The following L3MBTL4 variants were observed in gnomAD, a reference collection of about 807,000 sequenced individuals.
L3MBTL4 encodes the protein L3MBTL histone methyl-lysine binding protein 4, also known as lethal(3)malignant brain tumor-like protein 4.
L3MBTL4 carries 70 observed loss-of-function variants against 84.5 expected under a neutral mutation model. The observed-to-expected ratio is 0.83, with a 90% CI of 0.68 to 1.01. The LOEUF is 1.01. L3MBTL4 is among the 50% of genes least tolerant of loss of function. The pLI is 0.00. For synonymous variants in L3MBTL4, 274 were observed against 259.8 expected, an observed-to-expected ratio of 1.05 and a Z score of -0.52; for missense variants, 715 against 754.8, an observed-to-expected ratio of 0.95 and a Z score of 0.62.
chr18:6,166,740 T>C (rs1598980268), intron 13 of L3MBTL4, among the ~76,000 whole-genome samples: 1 of 151,700 alleles, frequency 6.6e-6, no homozygotes. Context: ...AGATCAAAAA[T>C]TGACACCCTA....
intron 1 of L3MBTL4, among the ~76,000 whole-genome samples, chr18:6,333,335 G>T (rs1439496573): frequency 6.6e-6 from 1 of 152,182 alleles, no homozygotes; most frequent in African/African-American, 2.4e-5. Flanking sequence ...AACACTTTGG[G>T]AGGCTGAGGC....
intron 1 of L3MBTL4, among the ~76,000 whole-genome samples, chr18:6,350,786 C>T (rs145980504): frequency 6.6e-6 from 1 of 152,122 alleles, no homozygotes; most frequent in African/African-American, 2.4e-5. Context: ...ATGTAAATGG[C>T]AACATTATTC....
intron 1 of L3MBTL4, among the ~76,000 whole-genome samples, chr18:6,384,411 G>A (rs553484212): frequency 6.6e-6 from 1 of 152,248 alleles, no homozygotes; most frequent in South Asian, 2.1e-4. Context: ...TGGTACTAAT[G>A]GCTGTCTTCA....
intron 16 of L3MBTL4, among the ~76,000 whole-genome samples, chr18:6,040,598 T>C (rs4798432): frequency 0.17 from 25,702 of 152,204 alleles, 2,402 homozygotes; most frequent in East Asian, 0.31. Flanking sequence ...GTGTGGGTGA[T>C]AGACAAGTAC....
intron 12 of L3MBTL4, among the ~76,000 whole-genome samples, chr18:6,210,076 T>G (rs1051139920): frequency 6.6e-6 from 1 of 152,198 alleles, no homozygotes; most frequent in Non-Finnish European, 1.5e-5. Context: ...TTAGTGGTGA[T>G]GGTTGCACAA....
At chr18:6,288,501 A>C (rs1239440864) in intron 4 of L3MBTL4, among the ~76,000 whole-genome samples, 1 of 152,222 alleles carries the variant, frequency 6.6e-6, no homozygotes, top group Non-Finnish European at 1.5e-5. Context: ...CAGACAGTAA[A>C]CATCTGCTAA....
intron 1 of L3MBTL4, among the ~76,000 whole-genome samples, chr18:6,337,179 C>T (rs1390725925): frequency 6.6e-6 from 1 of 151,870 alleles, no homozygotes; most frequent in Non-Finnish European, 1.5e-5. Context: ...TAATTGGGAT[C>T]CCAAAAAGGA....
chr18:6,189,427 G>A (rs1204755238), intron 12 of L3MBTL4, among the ~76,000 whole-genome samples: 1 of 152,138 alleles, frequency 6.6e-6, no homozygotes. Context: ...CCTAACAGAA[G>A]AAAAGGCACG....
chr18:6,026,791 A>G (rs1309234125), intron 16 of L3MBTL4, among the ~76,000 whole-genome samples: 4 of 152,214 alleles, frequency 2.6e-5, no homozygotes, highest in Admixed American at 1.3e-4. Context: ...GTTTAATAAC[A>G]GTCACATTCA....
At chr18:6,125,022 C>T (rs546135316) in intron 14 of L3MBTL4, among the ~76,000 whole-genome samples, 1 of 152,178 alleles carries the variant, frequency 6.6e-6, no homozygotes, top group African/African-American at 2.4e-5. Flanking sequence ...GATTAATATT[C>T]TCTAATGACT....
chr18:6,019,718 G>C (rs1400750142), intron 16 of L3MBTL4, among the ~76,000 whole-genome samples: 1 of 152,198 alleles, frequency 6.6e-6, no homozygotes, highest in Non-Finnish European at 1.5e-5. Context: ...CACCCAAGAT[G>C]AAAAGCTAAT....
intron 15 of L3MBTL4, among the ~76,000 whole-genome samples, chr18:6,081,647 T>C (rs1045549710): frequency 2.6e-5 from 4 of 152,348 alleles, no homozygotes; most frequent in Non-Finnish European, 5.9e-5. Context: ...ATTTTCTTAC[T>C]GTATTTGAAC....
rs539860036 is a variant in L3MBTL4 at position 6,322,097 on chromosome 18, C to T, written c.-90-10041G>A. Among the ~76,000 whole-genome samples, 4 of 151,496 alleles carry T rather than the reference C, an allele frequency of 2.6e-5. No individual in the cohort carries two copies. The East Asian group carries it at 7.7e-4, about 29-fold the overall frequency. On this transcript the variant is annotated intron_variant, in intron 1 of 18. Transcript: ENST00000317931. Reference sequence around the variant, plus strand: ...TAAGGATGGGCATGGTGGCTCACATCTGTAATACTAGAACTTTGGGAGGCA... The same window carrying T: ...TAAGGATGGGCATGGTGGCTCACATTTGTAATACTAGAACTTTGGGAGGCA...
In L3MBTL4 at chr18:5,977,381, T is replaced by C. The variant is rs906255973; in HGVS notation, c.1445-7819A>G. 5.3e-5 allele frequency among the ~76,000 whole-genome samples: 8 copies of C among 152,198 alleles called. No individual in the cohort carries two copies. In the East Asian group the frequency reaches 1.5e-3, roughly 29 times the overall value. ...TCCTTCCTTGGTTCCATCCAGGAAC[T>C]GAGTCAGCTCCCTCCCTCCCCAAGG... On this transcript the variant is annotated intron_variant, in intron 16 of 18. Transcript: ENST00000317931.
chr18:6,282,407 T>C (rs16949787), intron 4 of L3MBTL4, among the ~76,000 whole-genome samples: 27,159 of 152,080 alleles, frequency 0.18, 2,497 homozygotes, highest in East Asian at 0.23. Flanking sequence ...CCAGAGCTTT[T>C]AGCAACACAT....
At chr18:6,004,208 C>T (rs1235568897) in intron 16 of L3MBTL4, among the ~76,000 whole-genome samples, 2 of 152,032 alleles carry the variant, frequency 1.3e-5, no homozygotes, top group Non-Finnish European at 1.5e-5. Context: ...CATACTGATT[C>T]TATAGAAATG....
At chr18:6,112,313 G>A (rs1461056072) in intron 14 of L3MBTL4, among the ~76,000 whole-genome samples, 2 of 152,134 alleles carry the variant, frequency 1.3e-5, no homozygotes, top group Non-Finnish European at 2.9e-5. Flanking sequence ...TTTGACAACC[G>A]AGGATCGCAT....
intron 12 of L3MBTL4, among the ~76,000 whole-genome samples, chr18:6,205,688 T>C (rs2145710249): frequency 6.6e-6 from 1 of 152,300 alleles, no homozygotes; most frequent in South Asian, 2.1e-4. Flanking sequence ...GGCATAGATT[T>C]TGGAAGAAGG....
In L3MBTL4 at chr18:6,244,640, A is replaced by G. The variant is rs765527982; in HGVS notation, c.220-52T>C. 4 of 1,231,462 alleles carry G rather than the reference A, an allele frequency of 3.2e-6. No homozygotes were observed. In the African/African-American group the frequency reaches 5.9e-5, roughly 18 times the overall value. The allele number at this position is 1,231,462 out of a possible 1,614,324, so 76.3% of individuals were successfully genotyped here. A position where few individuals can be genotyped will look rare whatever the true frequency, so the allele number is the denominator to read the frequency against. ...GCCACTGAGATTTCATCACAGTTTT[A>G]TATTAAGATATTTGGTGTCACCTCT... On this transcript the variant is annotated intron_variant, in intron 5 of 18. Coordinates refer to ENST00000317931, the MANE Select transcript of L3MBTL4 (RefSeq NM_001330559.2).
Sources: allele counts gnomAD v4.1 joint callset (sites outside exome capture counted in the v4.1 genomes callset), GRCh38; gene constraint gnomAD v4.1.1; transcripts MANE v1.5; gene names NCBI Gene and HGNC (gene_info 2026-07-23, HGNC 2026-07-21).